Variants in IGSF21 observed in about 807,000 individuals in gnomAD.
IGSF21 encodes the protein immunoglobulin superfamily member 21.
A neutral mutation model predicts 46.8 loss-of-function variants in IGSF21; 28 were observed. The observed-to-expected ratio is 0.60, with a 90% confidence interval of 0.44 to 0.82. The LOEUF (loss-of-function observed/expected upper bound fraction) is 0.82, where lower values mean the gene tolerates loss of function less well. Among genes scored for constraint, IGSF21 ranks in the 40% least tolerant of loss-of-function variants. The probability of loss-of-function intolerance (pLI) is 0.00; values close to 1 mark genes in which losing one functional copy is unlikely to be tolerated. For synonymous variants in IGSF21, 284 were observed against 273.6 expected, an observed-to-expected ratio of 1.04 and a Z score of -0.38; for missense variants, 624 against 665.5, an observed-to-expected ratio of 0.94 and a Z score of 0.69.
chr1:18,132,513 G>A (rs780889218), intron 1 of IGSF21, among the ~76,000 whole-genome samples: 7 of 152,274 alleles, frequency 4.6e-5, no homozygotes, highest in Non-Finnish European at 8.8e-5. Flanking sequence ...CCTGTAGGCA[G>A]AGGGATGGCC....
chr1:18,333,407 G>GTT (rs1557648010), intron 3 of IGSF21, among the ~76,000 whole-genome samples: 1 of 152,132 alleles, frequency 6.6e-6, no homozygotes, highest in Admixed American at 6.6e-5. Context: ...CCAGGAATTC[G>GTT]CTCTCCCCAC....
At chr1:18,376,048 A>G in intron 6 of IGSF21, 1 of 389,166 alleles carries the variant, frequency 2.6e-6, no homozygotes. Context: ...CTGATGTGTG[A>G]ACCCCCCAAG....
intron 1 of IGSF21, among the ~76,000 whole-genome samples, chr1:18,145,872 G>A (rs776130206): frequency 6.6e-6 from 1 of 152,166 alleles, no homozygotes; most frequent in Non-Finnish European, 1.5e-5. Flanking sequence ...AGGAACTTTG[G>A]TTGCTCCTTT....
rs67912950 is a variant in IGSF21, at chr1:18,115,906, A to AGAGG, written c.70+7729_70+7732dup. On this transcript the variant is annotated intron_variant, in intron 1 of 9. Coordinates refer to ENST00000251296, the MANE Select transcript of IGSF21 (RefSeq NM_032880.5). ...GAAAGAAAGAAAGAAAGAAAGAAGG[A>AGAGG]GAGGGAGGGAGGGAGGGAGGGAGGA... is the stretch of plus-strand genomic sequence containing the variant. 258 of 111,276 alleles carry AGAGG rather than the reference A, an allele frequency of 2.3e-3. 1 individual carries two copies. The highest frequency in any genetic ancestry group is 8.1e-3 in the African/African-American group (238 of 29,468). 6.9% of individuals were successfully genotyped at this position (111,276 alleles called of 1,614,324 possible).
At chr1:18,306,063 C>T (rs1321216328) in intron 3 of IGSF21, among the ~76,000 whole-genome samples, 1 of 152,174 alleles carries the variant, frequency 6.6e-6, no homozygotes, top group Non-Finnish European at 1.5e-5. Context: ...CCAGAGTGAG[C>T]TTTCTAAAGT....
chr1:18,196,391 C>A (rs939277852), intron 1 of IGSF21, among the ~76,000 whole-genome samples: 2 of 152,120 alleles, frequency 1.3e-5, no homozygotes, highest in African/African-American at 4.8e-5. Context: ...AGAGGCCATG[C>A]CTTGGATACT....
chr1:18,289,139 T>C (rs1028192593), intron 2 of IGSF21, among the ~76,000 whole-genome samples: 2 of 152,120 alleles, frequency 1.3e-5, no homozygotes, highest in Admixed American at 1.3e-4. Context: ...ACTGACAGAT[T>C]TTTTTCTCTT....
chr1:18,263,563 G>A (rs2084965673), intron 2 of IGSF21, among the ~76,000 whole-genome samples: 1 of 152,018 alleles, frequency 6.6e-6, no homozygotes, highest in Admixed American at 6.6e-5. Context: ...CCTTTTTGCT[G>A]ACAGCTTCTG....
In IGSF21 at chr1:18,108,057, C is replaced by T; in HGVS notation, c.-72C>T. 1 of 671,938 alleles carries T rather than the reference C, an allele frequency of 1.5e-6. No homozygotes were observed. Among genetic ancestry groups the T allele is most frequent in the East Asian group, 4.1e-5 (1 of 24,480 alleles). 41.6% of individuals were successfully genotyped at this position (671,938 alleles called of 1,614,324 possible). The stretch of plus-strand genomic sequence containing the variant: ...GCCGGAGGCAGGAGCGCGTCTGAGC[C>T]CATGGCGAGGGGACCCGCCGCCACC... On this transcript the variant is annotated 5_prime_UTR_variant, in exon 1 of 10. Coordinates refer to ENST00000251296, the MANE Select transcript of IGSF21 (RefSeq NM_032880.5).
intron 4 of IGSF21, among the ~76,000 whole-genome samples, chr1:18,351,308 TG>T (rs1038969742): frequency 1.1e-5 from 1 of 92,562 alleles, no homozygotes; most frequent in Non-Finnish European, 2.3e-5. Flanking sequence ...ATTCTATGGG[TG>T]GGGGGGTAGG....
chr1:18,251,148 A>C (rs2084837605), intron 2 of IGSF21, among the ~76,000 whole-genome samples: 1 of 152,208 alleles, frequency 6.6e-6, no homozygotes, highest in South Asian at 2.1e-4. Context: ...AAAGGGGAAC[A>C]CAAGTCAGGG....
chr1:18,308,564 T>C (rs963772450), intron 3 of IGSF21, among the ~76,000 whole-genome samples: 1 of 152,190 alleles, frequency 6.6e-6, no homozygotes, highest in African/African-American at 2.4e-5. Context: ...CCATGTCCCA[T>C]TTTTATAGAT....
chr1:18,298,169 C>T (rs58999531), intron 3 of IGSF21, among the ~76,000 whole-genome samples: 135 of 152,214 alleles, frequency 8.9e-4, no homozygotes, highest in African/African-American at 2.9e-3. Flanking sequence ...GGTCAGCTGA[C>T]GTTCACTCTC....
At chr1:18,323,192 C>A (rs1052835078) in intron 3 of IGSF21, among the ~76,000 whole-genome samples, 14 of 152,182 alleles carry the variant, frequency 9.2e-5, no homozygotes, top group African/African-American at 3.4e-4. Context: ...AGGTTCCTAC[C>A]AGTTTGCCCA....
At chr1:18,315,562 T>TGGATGGATGGATGGAA (rs1461319573) in intron 3 of IGSF21, among the ~76,000 whole-genome samples, 1 of 151,350 alleles carries the variant, frequency 6.6e-6, no homozygotes, top group Non-Finnish European at 1.5e-5. Flanking sequence ...GATGGATGGA[T>TGGATGGATGGATGGAA]GGATGGATGG....
At chr1:18,306,165 T>A (rs1195464508) in intron 3 of IGSF21, among the ~76,000 whole-genome samples, 1 of 152,188 alleles carries the variant, frequency 6.6e-6, no homozygotes, top group Non-Finnish European at 1.5e-5. Context: ...GGATACCCTG[T>A]ATGCTCGGCC....
chr1:18,211,208 A>G (rs559183102), intron 1 of IGSF21, among the ~76,000 whole-genome samples: 8 of 152,200 alleles, frequency 5.3e-5, no homozygotes, highest in Middle Eastern at 3.4e-3. Flanking sequence ...TAGAGTGGAG[A>G]TGTGAAATCT....
At position 18,365,263 on chromosome 1, in the gene IGSF21, C is replaced by A. The variant is rs763693669; in HGVS notation, c.581C>A (p.Pro194His). 2.5e-6 allele frequency: 4 copies of A among 1,613,234 alleles called. No individual in the cohort carries two copies. The highest frequency in any genetic ancestry group is 3.3e-5 in the Admixed American group (2 of 59,960). ...GATGGGGAACCAATCGACGCAGTGC[C>A]CCTATCAGAGCCACCAGCTGCGAGC... ...KRDGEPIDAVPLSEPPAASSG... is the reference protein window; with the variant it reads ...KRDGEPIDAVHLSEPPAASSG... Residue 194 changes from proline (P) to histidine (H), a missense_variant, in exon 6 of 10, where the codon CCC becomes CAC. By Grantham distance (77) the Pro-to-His change is moderately conservative. Coordinates refer to ENST00000251296, the MANE Select transcript of IGSF21 (RefSeq NM_032880.5). The surrounding 1 kb of genome is among the most constrained non-coding windows in gnomAD (Gnocchi z 4.8).
chr1:18,373,236 G>A (rs1009990429), intron 6 of IGSF21, among the ~76,000 whole-genome samples: 3 of 152,196 alleles, frequency 2.0e-5, no homozygotes, highest in African/African-American at 7.2e-5. Flanking sequence ...AGAGGGCTAG[G>A]TGTCAATCCT....
Sources: allele counts gnomAD v4.1 joint callset (sites outside exome capture counted in the v4.1 genomes callset), GRCh38; gene constraint gnomAD v4.1.1; non-coding constraint Gnocchi (gnomAD v3.1); transcripts MANE v1.5; gene names NCBI Gene and HGNC (gene_info 2026-07-23, HGNC 2026-07-21).